The following SEMA5B variants were observed in gnomAD, a reference collection of about 807,000 sequenced individuals.
The protein encoded by SEMA5B is semaphorin 5B, also known as semaphorin-5B.
SEMA5B carries 66 observed loss-of-function variants against 135.0 expected under a neutral mutation model. That is an observed-to-expected ratio of 0.49 (90% CI 0.40 to 0.60). The LOEUF is 0.60. Among genes scored for constraint, SEMA5B ranks in the 20% least tolerant of loss-of-function variants. The probability of loss-of-function intolerance (pLI) is 0.00; values close to 1 mark genes in which losing one functional copy is unlikely to be tolerated. For missense variants in SEMA5B, 1,501 were observed against 1,566.3 expected (o/e 0.96, Z 0.70); for synonymous variants, 690 against 639.5 (o/e 1.08, Z -1.19).
chr3:123,013,276 C>G (rs894285245), intron 1 of SEMA5B, among the ~76,000 whole-genome samples: 2 of 152,152 alleles, frequency 1.3e-5, no homozygotes, highest in Non-Finnish European at 2.9e-5. Context: ...GCTTTTAAAA[C>G]AGGCTGCTAC....
At chr3:122,929,132 C>T in intron 5 of SEMA5B, 74 bp from the exon 6 acceptor site, 1 of 1,440,390 alleles carries the variant, frequency 6.9e-7, no homozygotes, top group African/African-American at 1.4e-5. Context: ...GCAGAGCAGG[C>T]AGCAGCCAGT....
rs371938223 is a variant in SEMA5B, at chr3:122,968,623, T to C, written c.-38-7322A>G. ...AAATGAAAGGGCAGTGGAAATCAGG[T>C]CAGTTTGGATCTTCCTATGGTTAAT... is the stretch of plus-strand genomic sequence containing the variant. On this transcript the variant is annotated intron_variant, in intron 1 of 22. Coordinates refer to ENST00000357599, the MANE Select transcript of SEMA5B (RefSeq NM_001031702.4). Among the ~76,000 whole-genome samples the C allele has an allele frequency of 1.6e-4, 24 of 152,180 alleles. No individual in the cohort carries two copies. In the East Asian group the frequency reaches 1.7e-3, roughly 11 times the overall value.
At chr3:122,957,942 T>C (rs1340002417) in intron 2 of SEMA5B, among the ~76,000 whole-genome samples, 3 of 152,250 alleles carry the variant, frequency 2.0e-5, no homozygotes, top group Non-Finnish European at 4.4e-5. Context: ...TTGGCTTCCT[T>C]ACTAGGGAGA....
At chr3:122,939,530 G>A (rs976288640) in intron 4 of SEMA5B, 60 bp from the exon 5 acceptor site, 4 of 1,404,046 alleles carry the variant, frequency 2.8e-6, no homozygotes, top group African/African-American at 2.8e-5. Context: ...GACCCAGGGA[G>A]CAGCCTCCTG....
chr3:122,980,910 C>T lies in SEMA5B; in HGVS notation c.-38-19609G>A, dbSNP rs1275844915. On this transcript the variant is annotated intron_variant, in intron 1 of 22. Transcript: ENST00000357599. ...GGTTCTTCATGTAAGCAGATTCTTACAGTATTTGCCCTTTTGTGTCTGGCT... is the reference window on the plus strand; with the variant it reads ...GGTTCTTCATGTAAGCAGATTCTTATAGTATTTGCCCTTTTGTGTCTGGCT... Among the ~76,000 whole-genome samples the T allele has an allele frequency of 4.6e-5, 7 of 152,246 alleles. No homozygotes were observed. In the East Asian group the frequency reaches 1.2e-3, roughly 25 times the overall value.
At chr3:122,923,854 T>A in intron 9 of SEMA5B, 102 bp from the exon 10 acceptor site, 1 of 1,344,858 alleles carries the variant, frequency 7.4e-7, no homozygotes, top group Non-Finnish European at 1.1e-6. Context: ...CAAGGCTCTG[T>A]AAGCATCTAT....
chr3:122,944,995 G>A (rs113193492), intron 3 of SEMA5B, among the ~76,000 whole-genome samples: 1,539 of 151,906 alleles, frequency 0.01, 23 homozygotes, highest in African/African-American at 0.035. Flanking sequence ...GAGAGAGATA[G>A]AGAGAGAGGC....
chr3:122,979,367 A>T (rs1181596035), intron 1 of SEMA5B, among the ~76,000 whole-genome samples: 4 of 152,214 alleles, frequency 2.6e-5, no homozygotes, highest in African/African-American at 9.6e-5. Flanking sequence ...GCAGCCCGCC[A>T]TCCACGAACA....
intron 1 of SEMA5B, among the ~76,000 whole-genome samples, chr3:122,964,358 C>T (rs1019341924): frequency 2.6e-5 from 4 of 152,144 alleles, no homozygotes; most frequent in African/African-American, 9.7e-5. Flanking sequence ...TGGGAGGACA[C>T]ACGTTTCTTC....
chr3:122,941,081 C>A (rs560044485), intron 4 of SEMA5B, among the ~76,000 whole-genome samples: 2 of 152,242 alleles, frequency 1.3e-5, no homozygotes, highest in African/African-American at 4.8e-5. Flanking sequence ...CCTTTCGGAA[C>A]AAGGGAGGGT....
intron 1 of SEMA5B, among the ~76,000 whole-genome samples, chr3:123,009,344 G>A (rs186894660): frequency 6.6e-6 from 1 of 152,152 alleles, no homozygotes; most frequent in Non-Finnish European, 1.5e-5. Context: ...GGTAAGGGAA[G>A]GGTCTGTGTT....
chr3:122,957,558 GAAA>G lies in SEMA5B; in HGVS notation c.124+3579_124+3581del, dbSNP rs572675387. On this transcript the variant is annotated intron_variant, in intron 2 of 22. Coordinates refer to ENST00000357599, the MANE Select transcript of SEMA5B (RefSeq NM_001031702.4). ...AACCATGAAAGGGTGTCATCAGGAAGAAAAAGACAACCTACGACCCTAAAAGAT... is the reference window on the plus strand; with the variant it reads ...AACCATGAAAGGGTGTCATCAGGAAGAAGACAACCTACGACCCTAAAAGAT... 7.1e-3 allele frequency among the ~76,000 whole-genome samples: 1,084 copies of G among 152,328 alleles called. 5 individuals carry two copies. The highest frequency in any genetic ancestry group is 9.0e-3 in the Non-Finnish European group (614 of 68,030).
At chr3:122,967,156 A>T (rs541761691) in intron 1 of SEMA5B, among the ~76,000 whole-genome samples, 4 of 152,148 alleles carry the variant, frequency 2.6e-5, no homozygotes, top group Non-Finnish European at 5.9e-5. Flanking sequence ...AAGTGCTGGG[A>T]TTACAGGCGT....
intron 1 of SEMA5B, among the ~76,000 whole-genome samples, chr3:122,983,076 T>C (rs1478605584): frequency 6.6e-6 from 1 of 152,174 alleles, no homozygotes; most frequent in African/African-American, 2.4e-5. Flanking sequence ...GATGAAGTGA[T>C]CACTGGTGTC....
intron 1 of SEMA5B, among the ~76,000 whole-genome samples, chr3:122,970,114 A>G (rs1477740426): frequency 6.6e-6 from 1 of 152,136 alleles, no homozygotes; most frequent in Non-Finnish European, 1.5e-5. Context: ...GGCTGCAAAT[A>G]TGGGTGCCCA....
At chr3:122,937,509 G>A (rs769631672) in intron 5 of SEMA5B, among the ~76,000 whole-genome samples, 8 of 152,178 alleles carry the variant, frequency 5.3e-5, no homozygotes, top group African/African-American at 9.7e-5. Context: ...CCTTAGTTCT[G>A]TCACAGTGAA....
chr3:122,923,892 A>C, intron 9 of SEMA5B, 140 bp from the exon 10 acceptor site: 390 of 914,072 alleles, frequency 4.3e-4, no homozygotes, highest in Middle Eastern at 6.8e-4. Context: ...GGGGGATCTC[A>C]AAGGGAGGAG....
intron 12 of SEMA5B, 58 bp downstream of exon 12, chr3:122,921,857 G>A (rs1430999887): frequency 3.5e-6 from 5 of 1,436,440 alleles, no homozygotes; most frequent in Middle Eastern, 2.5e-4. Context: ...CCAAAGCCCC[G>A]CCTCTTAAGC....
At chr3:122,995,583 G>A (rs1195894722) in intron 1 of SEMA5B, among the ~76,000 whole-genome samples, 2 of 152,198 alleles carry the variant, frequency 1.3e-5, no homozygotes, top group African/African-American at 4.8e-5. Flanking sequence ...AAGCTGAGAG[G>A]ACACAGCACC....
Sources: allele counts gnomAD v4.1 joint callset (sites outside exome capture counted in the v4.1 genomes callset), GRCh38; gene constraint gnomAD v4.1.1; transcripts MANE v1.5; gene names NCBI Gene and HGNC (gene_info 2026-07-23, HGNC 2026-07-21).